PCDHGA1: variants seen among roughly 807,000 people sequenced by gnomAD.
The protein encoded by PCDHGA1 is protocadherin gamma subfamily A, 1, also known as protocadherin gamma-A1.
Under a neutral mutation model 58.0 loss-of-function variants are expected in PCDHGA1, and 32 were observed. That is an observed-to-expected ratio of 0.55 (90% CI 0.42 to 0.74). The LOEUF is 0.74. Among genes scored for constraint, PCDHGA1 ranks in the 30% least tolerant of loss-of-function variants. PCDHGA1 has a pLI of 0.00. For missense variants in PCDHGA1, 1,205 were observed against 1,182.3 expected, an observed-to-expected ratio of 1.02 and a Z score of -0.28; for synonymous variants, 498 against 501.1, an observed-to-expected ratio of 0.99 and a Z score of 0.08.
chr5:141,462,617 T>C (rs1413543706), intron 1 of PCDHGA1, among the ~76,000 whole-genome samples: 1 of 151,850 alleles, frequency 6.6e-6, no homozygotes, highest in East Asian at 1.9e-4. Context: ...TTTTCACTTT[T>C]AGAAGTTCCA....
intron 1 of PCDHGA1, chr5:141,383,159 C>G (rs769758778): frequency 2.6e-5 from 42 of 1,613,986 alleles, no homozygotes; most frequent in Non-Finnish European, 3.5e-5. Flanking sequence ...TTGGTCACTG[C>G]GGGCAGGATA....
At chr5:141,360,980 A>G in intron 1 of PCDHGA1, 1 of 1,613,832 alleles carries the variant, frequency 6.2e-7, no homozygotes, top group Non-Finnish European at 8.5e-7. Context: ...TACTCCTTTC[A>G]TAATGTGGAC....
At chr5:141,483,425 G>A (rs1460083757) in intron 1 of PCDHGA1, among the ~76,000 whole-genome samples, 1 of 152,116 alleles carries the variant, frequency 6.6e-6, no homozygotes, top group Non-Finnish European at 1.5e-5. Flanking sequence ...ACAGATGGAG[G>A]GAGCTGACTA....
At chr5:141,418,901 A>G in intron 1 of PCDHGA1, 1 of 1,614,016 alleles carries the variant, frequency 6.2e-7, no homozygotes, top group East Asian at 2.2e-5. Context: ...CCCAGAAATA[A>G]TCATCACGTC....
At chr5:141,414,882 C>T (rs759814512) in intron 1 of PCDHGA1, 7 of 1,614,104 alleles carry the variant, frequency 4.3e-6, no homozygotes, top group East Asian at 4.5e-5. Context: ...TCCTGTACCC[C>T]GCCCTCCCCA....
At chr5:141,399,363 G>A (rs773376480) in intron 1 of PCDHGA1, 5 of 1,613,910 alleles carry the variant, frequency 3.1e-6, no homozygotes, top group Non-Finnish European at 3.4e-6. Flanking sequence ...AGCAAACCCC[G>A]GAGTACAATG....
At position 141,404,477 on chromosome 5, in the gene PCDHGA1, T is replaced by C. The variant is rs750187565; in HGVS notation, c.2421+71372T>C. On this transcript the variant is annotated intron_variant, in intron 1 of 3. Coordinates refer to ENST00000517417, the MANE Select transcript of PCDHGA1 (RefSeq NM_018912.3). ...TCTCTCCACCTATGTCTCTATTAAC[T>C]CAGACACTGGTGTGCTGTATGCTCT... is the stretch of plus-strand genomic sequence containing the variant. The C allele has an allele frequency of 3.1e-6, 5 of 1,613,408 alleles. No individual in the cohort carries two copies. In the South Asian group the frequency reaches 4.4e-5, roughly 14 times the overall value.
intron 1 of PCDHGA1, chr5:141,410,258 G>T: frequency 6.2e-7 from 1 of 1,614,022 alleles, no homozygotes; most frequent in Non-Finnish European, 8.5e-7. Flanking sequence ...TGACCCCCAG[G>T]CTGAACTGCA....
At position 141,351,030 on chromosome 5, in the gene PCDHGA1, CCGTGCTG is replaced by C. The variant is rs751694641; in HGVS notation, c.2421+17928_2421+17934del. 2.0e-5 allele frequency: 33 copies of C among 1,614,068 alleles called. No individual in the cohort carries two copies. In the Admixed American group the frequency reaches 3.7e-4, roughly 18 times the overall value. On this transcript the variant is annotated intron_variant, in intron 1 of 3. Transcript: ENST00000517417. Reference sequence around the variant, plus strand: ...CAAGAAAACGTACCGTGGGGAACCTCCGTGCTGCGGGTGATGGCCACAGACCAGGATG... The same window carrying C: ...CAAGAAAACGTACCGTGGGGAACCTCCGGGTGATGGCCACAGACCAGGATG...
At chr5:141,421,999 T>C in intron 1 of PCDHGA1, 1 of 1,609,214 alleles carries the variant, frequency 6.2e-7, no homozygotes, top group Non-Finnish European at 8.5e-7. Context: ...AAACATCAGC[T>C]CCGGAACTCG....
chr5:141,385,314 A>T, intron 1 of PCDHGA1: 1 of 1,611,588 alleles, frequency 6.2e-7, no homozygotes. Context: ...AAAACCTGCC[A>T]AGTATTCAGG....
At chr5:141,335,583 T>G (rs1464342612) in intron 1 of PCDHGA1, among the ~76,000 whole-genome samples, 1 of 152,142 alleles carries the variant, frequency 6.6e-6, no homozygotes, top group Non-Finnish European at 1.5e-5. Flanking sequence ...AGAAAGTTAG[T>G]TAACATAAAG....
At chr5:141,420,808 G>A (rs539942896) in intron 1 of PCDHGA1, among the ~76,000 whole-genome samples, 2 of 152,288 alleles carry the variant, frequency 1.3e-5, no homozygotes, top group Admixed American at 6.5e-5. Flanking sequence ...AATTAAGCAA[G>A]CCCTTTTAAT....
At chr5:141,409,942 C>T (rs1168442761) in intron 1 of PCDHGA1, 4 of 1,613,284 alleles carry the variant, frequency 2.5e-6, no homozygotes, top group South Asian at 1.1e-5. Flanking sequence ...TGGTACCTCG[C>T]TCTGCAGAGC....
At chr5:141,396,830 G>C (rs1014090361) in intron 1 of PCDHGA1, among the ~76,000 whole-genome samples, 1 of 152,198 alleles carries the variant, frequency 6.6e-6, no homozygotes, top group African/African-American at 2.4e-5. Flanking sequence ...TGCATATTCA[G>C]TGGAGTGGGA....
intron 1 of PCDHGA1, chr5:141,357,075 G>C: frequency 6.2e-7 from 1 of 1,613,942 alleles, no homozygotes; most frequent in Non-Finnish European, 8.5e-7. Context: ...ACACAGGCGA[G>C]GTGCGCACCG....
chr5:141,501,331 A>ACC (rs906542724), intron 2 of PCDHGA1, among the ~76,000 whole-genome samples: 1 of 138,846 alleles, frequency 7.2e-6, no homozygotes, highest in Non-Finnish European at 1.6e-5. Flanking sequence ...ACACACACAC[A>ACC]CACCCCAAAC....
At chr5:141,402,067 A>G (rs2094221639) in intron 1 of PCDHGA1, among the ~76,000 whole-genome samples, 1 of 152,226 alleles carries the variant, frequency 6.6e-6, no homozygotes, top group Non-Finnish European at 1.5e-5. Flanking sequence ...TTAAAAAACT[A>G]AGCATTTTTG....
intron 2 of PCDHGA1, among the ~76,000 whole-genome samples, chr5:141,496,335 C>G (rs2099768099): frequency 1.3e-5 from 2 of 152,204 alleles, no homozygotes; most frequent in Admixed American, 6.5e-5. Flanking sequence ...AAGTCAGGAG[C>G]CTGGAGGAGT....
Sources: allele counts gnomAD v4.1 joint callset (sites outside exome capture counted in the v4.1 genomes callset), GRCh38; gene constraint gnomAD v4.1.1; transcripts MANE v1.5; gene names NCBI Gene and HGNC (gene_info 2026-07-23, HGNC 2026-07-21).